MYO5C: variants seen among roughly 807,000 people sequenced by gnomAD.
MYO5C encodes the protein myosin VC, also known as unconventional myosin-Vc.
A neutral mutation model predicts 235.7 loss-of-function variants in MYO5C; 194 were observed. The ratio of observed to expected loss-of-function variants is 0.82; its 90% CI spans 0.73 to 0.93. The LOEUF (loss-of-function observed/expected upper bound fraction) is 0.93. MYO5C is among the 40% of genes least tolerant of loss of function. The pLI is 0.00. For missense variants in MYO5C, 2,038 were observed against 2,127.2 expected, an observed-to-expected ratio of 0.96 and a Z score of 0.82; for synonymous variants, 707 against 754.8, an observed-to-expected ratio of 0.94 and a Z score of 1.04.
intron 23 of MYO5C, among the ~76,000 whole-genome samples, chr15:52,235,393 C>T (rs1017377829): frequency 6.6e-6 from 1 of 152,180 alleles, no homozygotes; most frequent in African/African-American, 2.4e-5. Context: ...AAGCTCCGGG[C>T]TCATGGTCCG....
intron 38 of MYO5C, among the ~76,000 whole-genome samples, chr15:52,203,011 C>T (rs527299693): frequency 5.9e-5 from 9 of 151,660 alleles, no homozygotes; most frequent in Non-Finnish European, 1.3e-4. Context: ...ACGTCTGCCT[C>T]CCCAGTTCTA....
At chr15:52,278,435 A>G (rs1462166503) in intron 4 of MYO5C, among the ~76,000 whole-genome samples, 1 of 152,098 alleles carries the variant, frequency 6.6e-6, no homozygotes, top group Admixed American at 6.6e-5. Context: ...ACAGGGCCCT[A>G]CAAACACCTA....
chr15:52,210,932 T>G (rs1167174499), intron 35 of MYO5C, among the ~76,000 whole-genome samples: 2 of 152,240 alleles, frequency 1.3e-5, no homozygotes, highest in Non-Finnish European at 2.9e-5. Context: ...TGTCACACCA[T>G]GAAGAGATGA....
Position 52,247,817 on chromosome 15 carries a change from G to T in MYO5C, c.1747-225C>A, listed in dbSNP as rs546629528. Among the ~76,000 whole-genome samples the T allele has an allele frequency of 6.6e-5, 10 of 152,238 alleles. No homozygotes were observed. In the South Asian group the frequency reaches 1.7e-3, roughly 25 times the overall value. ...GAACAGAGAAGAAAAGTGTGTAAATGTCTGTATGTGGGTATCACTCTAAGT... is the reference window on the plus strand; with the variant it reads ...GAACAGAGAAGAAAAGTGTGTAAATTTCTGTATGTGGGTATCACTCTAAGT... On this transcript the variant is annotated intron_variant, in intron 14 of 40. Transcript: ENST00000261839.
intron 4 of MYO5C, chr15:52,277,774 T>G (rs571047675): frequency 1.1e-5 from 5 of 451,778 alleles, no homozygotes; most frequent in Non-Finnish European, 2.2e-5. Context: ...CTCTGATGAC[T>G]CTGAAGAAGC....
intron 4 of MYO5C, chr15:52,277,050 T>C (rs2037066744): frequency 2.1e-6 from 1 of 465,900 alleles, no homozygotes; most frequent in South Asian, 1.6e-5. Flanking sequence ...GAGGAGACTT[T>C]GGATACAGAG....
At chr15:52,226,086 G>GA (rs200318679) in intron 25 of MYO5C, among the ~76,000 whole-genome samples, 14 of 143,872 alleles carry the variant, frequency 9.7e-5, no homozygotes, top group African/African-American at 3.1e-4. Context: ...GTTACATAAA[G>GA]AAAAAAAAAT....
chr15:52,247,306 G>A (rs960557411), intron 15 of MYO5C, 152 bp downstream of exon 15: 3 of 924,350 alleles, frequency 3.2e-6, no homozygotes, highest in Non-Finnish European at 5.0e-6. Context: ...GTATGACGAC[G>A]ATGAACTTTT....
At chr15:52,293,885 G>A (rs2037445784) in intron 1 of MYO5C, among the ~76,000 whole-genome samples, 1 of 152,170 alleles carries the variant, frequency 6.6e-6, no homozygotes, top group Non-Finnish European at 1.5e-5. Context: ...CCCTGACCTC[G>A]CTCTCTGGCT....
At chr15:52,253,688 G>A (rs1371504926) in intron 11 of MYO5C, among the ~76,000 whole-genome samples, 1 of 152,174 alleles carries the variant, frequency 6.6e-6, no homozygotes, top group Non-Finnish European at 1.5e-5. Flanking sequence ...TACCTCCTAG[G>A]ACATGGCTTG....
chr15:52,227,849 C>T (rs2035863503), intron 25 of MYO5C, among the ~76,000 whole-genome samples: 1 of 152,236 alleles, frequency 6.6e-6, no homozygotes, highest in Non-Finnish European at 1.5e-5. Context: ...CTAAACCACG[C>T]ATGGCTAGTT....
intron 1 of MYO5C, among the ~76,000 whole-genome samples, chr15:52,294,524 T>A (rs936482513): frequency 1.3e-5 from 2 of 152,328 alleles, no homozygotes; most frequent in African/African-American, 2.4e-5. Context: ...CATGATTTTT[T>A]AAATAACTAT....
At chr15:52,247,963 G>C (rs1477525568) in intron 14 of MYO5C, among the ~76,000 whole-genome samples, 5 of 151,954 alleles carry the variant, frequency 3.3e-5, no homozygotes, top group Non-Finnish European at 7.4e-5. Context: ...CCCTACCCAG[G>C]AATCTCTTAA....
chr15:52,272,451 T>C (rs764578097), intron 6 of MYO5C, 129 bp downstream of exon 6: 28 of 868,928 alleles, frequency 3.2e-5, no homozygotes, highest in Non-Finnish European at 4.7e-5. Flanking sequence ...GAATCCAAAC[T>C]GCAAATGAAA....
chr15:52,214,496 G>T, intron 33 of MYO5C, 107 bp downstream of exon 33: 1 of 838,870 alleles, frequency 1.2e-6, no homozygotes, highest in Non-Finnish European at 1.8e-6. Context: ...CACCACTTGA[G>T]AATCATTCCT....
intron 8 of MYO5C, among the ~76,000 whole-genome samples, chr15:52,264,729 G>C (rs1426553345): frequency 6.6e-6 from 1 of 152,196 alleles, no homozygotes; most frequent in Non-Finnish European, 1.5e-5. Context: ...CTCTGCCCCA[G>C]GGGACTTGGT....
intron 8 of MYO5C, among the ~76,000 whole-genome samples, chr15:52,268,648 T>C (rs1800621918): frequency 6.6e-6 from 1 of 152,216 alleles, no homozygotes; most frequent in Non-Finnish European, 1.5e-5. Context: ...TCTAGACTCA[T>C]ACAGAATGAG....
rs762638372 is a variant in MYO5C at position 52,278,900 on chromosome 15, G to T, written c.422C>A (p.Ala141Glu). 1.2e-6 allele frequency: 2 copies of T among 1,613,978 alleles called. No individual in the cohort carries two copies. Among genetic ancestry groups the T allele is most frequent in the African/African-American group, 2.7e-5 (2 of 74,904 alleles). Residue 141 changes from alanine to glutamate, a missense_variant, in exon 4 of 41, where the codon GCA (alanine) becomes GAA (glutamate). Physicochemically the swap from Ala to Glu is moderately radical, Grantham distance 107. Transcript: ENST00000261839. ...GGCCATCTGCTTGTATGCCTCTTCT[G>T]CCACGGCAAATATGTGTGGGTCCAT... is the stretch of plus-strand genomic sequence containing the variant. ...GDMDPHIFAVAEEAYKQMARN... is the reference protein window; with the variant it reads ...GDMDPHIFAVEEEAYKQMARN...
intron 2 of MYO5C, among the ~76,000 whole-genome samples, chr15:52,280,945 G>A (rs1269898116): frequency 6.6e-6 from 1 of 152,162 alleles, no homozygotes; most frequent in Non-Finnish European, 1.5e-5. Flanking sequence ...GCAGCTCAGG[G>A]CAATCCACAA....
Sources: allele counts gnomAD v4.1 joint callset (sites outside exome capture counted in the v4.1 genomes callset), GRCh38; gene constraint gnomAD v4.1.1; transcripts MANE v1.5; gene names NCBI Gene and HGNC (gene_info 2026-07-23, HGNC 2026-07-21).